The following KRT25 variants were observed in gnomAD, a reference collection of about 807,000 sequenced individuals.
KRT25 encodes keratin, type I cytoskeletal 25.
A neutral mutation model predicts 47.6 loss-of-function variants in KRT25; 37 were observed. The ratio of observed to expected loss-of-function variants is 0.78; its 90% CI spans 0.60 to 1.02. KRT25 has a LOEUF of 1.02. Among genes scored for constraint, KRT25 ranks in the 50% least tolerant of loss-of-function variants. KRT25 has a pLI of 0.00. For missense variants in KRT25, 542 were observed against 550.3 expected (o/e 0.98, Z 0.15); for synonymous variants, 203 against 210.2 (o/e 0.97, Z 0.30).
At chr17:40,751,873 T>C (rs2038051900) in intron 3 of KRT25, among the ~76,000 whole-genome samples, 2 of 96,088 alleles carry the variant, frequency 2.1e-5, no homozygotes, top group South Asian at 6.8e-4. Context: ...TGTGTGTGTG[T>C]GTGTGCGTGC....
chr17:40,755,398 T>C (rs2038098247), upstream of KRT25: 1 of 849,472 alleles, frequency 1.2e-6, no homozygotes, highest in Non-Finnish European at 1.8e-6. Flanking sequence ...AAATTCTGCC[T>C]ACACAGAGTA....
chr17:40,751,980 T>G (rs1221501057), intron 3 of KRT25, among the ~76,000 whole-genome samples: 1 of 151,802 alleles, frequency 6.6e-6, no homozygotes, highest in Non-Finnish European at 1.5e-5. Context: ...ACAGGGACAT[T>G]ACAGTATCAT....
chr17:40,750,300 C>G (rs1056229824), intron 6 of KRT25, 80 bp downstream of exon 6: 3 of 1,425,940 alleles, frequency 2.1e-6, no homozygotes, highest in African/African-American at 1.4e-5. Context: ...AAATTATGTC[C>G]GCTTTCCAGT....
Position 40,753,833 on chromosome 17 carries a change from A to T in KRT25, c.669+27T>A, listed in dbSNP as rs759379419. On this transcript the variant is annotated intron_variant, in intron 3 of 7. Transcript: ENST00000312150. ...AGGTGCACAGTGTCTGCGGAGGGAT[A>T]GCAAAATGTAGACGACCAGCTCTTA... The T allele has an allele frequency of 5.0e-6, 8 of 1,608,782 alleles. No individual in the cohort carries two copies. In the Admixed American group the frequency reaches 6.7e-5, roughly 13 times the overall value.
At chr17:40,748,911 T>C (rs2038020312) in intron 7 of KRT25, among the ~76,000 whole-genome samples, 1 of 152,316 alleles carries the variant, frequency 6.6e-6, no homozygotes, top group East Asian at 1.9e-4. Flanking sequence ...GGAACATGGA[T>C]GGAGCTGGAG....
At chr17:40,753,183 T>C (rs2144127705) in intron 3 of KRT25, among the ~76,000 whole-genome samples, 1 of 152,354 alleles carries the variant, frequency 6.6e-6, no homozygotes, top group South Asian at 2.1e-4. Flanking sequence ...TCTAGTTTTC[T>C]AGTTTAAGGA....
chr17:40,751,168 C>T lies in KRT25; in HGVS notation c.828G>A (p.Glu276=). Reference sequence around the variant, plus strand: ...CCGTTTTCTGGAGGAGAGTCACCTTCTCGTTGAACCAGGCCTCCGCGTCCC... The same window carrying T: ...CCGTTTTCTGGAGGAGAGTCACCTTTTCGTTGAACCAGGCCTCCGCGTCCC... ...NRRDAEAWFN[E]KSASLQQQIS... Residue 276 remains glutamate (E), a synonymous_variant, in exon 4 of 8, where the codon GAG becomes GAA. Transcript: ENST00000312150. 6.2e-7 allele frequency: 1 copy of T among 1,614,114 alleles called. No homozygotes were observed. The highest frequency in any genetic ancestry group is 8.5e-7 in the Non-Finnish European group (1 of 1,179,998).
At chr17:40,754,105 G>A in intron 2 of KRT25, 89 bp from the exon 3 acceptor site, 2 of 1,306,022 alleles carry the variant, frequency 1.5e-6, no homozygotes, top group Non-Finnish European at 2.2e-6. Flanking sequence ...TAGCATTCTG[G>A]AATTTTGAAG....
intron 6 of KRT25, among the ~76,000 whole-genome samples, chr17:40,749,659 C>G (rs758001587): frequency 5.9e-5 from 9 of 152,120 alleles, no homozygotes; most frequent in Non-Finnish European, 8.8e-5. Flanking sequence ...TGAATTGTGA[C>G]AAATTTATAT....
chr17:40,748,885 G>C (rs2038019814), intron 7 of KRT25, among the ~76,000 whole-genome samples: 1 of 152,192 alleles, frequency 6.6e-6, no homozygotes, highest in Non-Finnish European at 1.5e-5. Flanking sequence ...AAAAGAACAA[G>C]ATCATGTCTT....
At chr17:40,748,964 C>T (rs56404002) in intron 7 of KRT25, among the ~76,000 whole-genome samples, 80 of 152,266 alleles carry the variant, frequency 5.3e-4, no homozygotes, top group African/African-American at 1.8e-3. Flanking sequence ...GAAAACCAAA[C>T]ACCACATGTT....
intron 6 of KRT25, among the ~76,000 whole-genome samples, chr17:40,749,552 G>C (rs1200868758): frequency 1.3e-5 from 2 of 152,228 alleles, no homozygotes; most frequent in Non-Finnish European, 2.9e-5. Context: ...ATAGGCAGAA[G>C]AGGCTGTCAT....
At chr17:40,752,628 C>CTA (rs886611299) in intron 3 of KRT25, among the ~76,000 whole-genome samples, 54 of 152,064 alleles carry the variant, frequency 3.6e-4, no homozygotes, top group African/African-American at 1.2e-3. Flanking sequence ...ATCTATATAT[C>CTA]TATATCTATA....
In KRT25 at chr17:40,750,536, T is replaced by G. The variant is rs779413707; in HGVS notation, c.1019A>C (p.Gln340Pro). Residue 340 changes from glutamine (Q) to proline (P), a missense_variant, in exon 6 of 8, where the codon CAG (glutamine) becomes CCG (proline). By Grantham distance (76) the Gln-to-Pro change is moderately conservative. Coordinates refer to ENST00000312150, the MANE Select transcript of KRT25 (RefSeq NM_181534.4). ...CAGGGCCCCGATCTGAGCCTGGATCTGCGCCAGCTGCGCACAGTAGTTGCT... is the reference window on the plus strand; with the variant it reads ...CAGGGCCCCGATCTGAGCCTGGATCGGCGCCAGCTGCGCACAGTAGTTGCT... ...TESNYCAQLA[Q>P]IQAQIGALEE... is the part of the protein sequence containing the mutation. 7 of 1,614,256 alleles carry G rather than the reference T, an allele frequency of 4.3e-6. 1 individual carries two copies. In the South Asian group the frequency reaches 7.7e-5, roughly 18 times the overall value.
In KRT25 at chr17:40,751,142, A is replaced by G. The variant is rs2038042767; in HGVS notation, c.831+23T>C. 3.1e-6 allele frequency: 5 copies of G among 1,613,990 alleles called. No individual in the cohort carries two copies. The East Asian group carries it at 1.1e-4, about 36-fold the overall frequency. ...GTGAATACCAGTAACATGCAAAGGGACCGTTTTCTGGAGGAGAGTCACCTT... is the reference window on the plus strand; with the variant it reads ...GTGAATACCAGTAACATGCAAAGGGGCCGTTTTCTGGAGGAGAGTCACCTT... On this transcript the variant is annotated intron_variant, in intron 4 of 7. Transcript: ENST00000312150.
chr17:40,751,403 C>A (rs1362687138), intron 3 of KRT25, 77 bp from the exon 4 acceptor site: 12 of 1,465,408 alleles, frequency 8.2e-6, no homozygotes, highest in Non-Finnish European at 1.1e-5. Context: ...TGGAAGGGCA[C>A]TTAGAGTTCG....
intron 6 of KRT25, 146 bp from the exon 7 acceptor site, chr17:40,749,471 G>T: frequency 1.5e-6 from 1 of 668,906 alleles, no homozygotes; most frequent in Non-Finnish European, 2.6e-6. Flanking sequence ...GTAGAGGTAT[G>T]AATACCTTCT....
At position 40,755,160 on chromosome 17, in the gene KRT25, T is replaced by C. The variant is rs2038095140; in HGVS notation, c.112A>G (p.Ile38Val). The C allele has an allele frequency of 1.2e-6, 2 of 1,614,066 alleles. No homozygotes were observed. The highest frequency in any genetic ancestry group is 1.1e-5 in the South Asian group (1 of 91,086). ...GAGAAGCCACTTCCAATCCCTGAAA[T>C]GCCACAAGAATTTCCAGTACCAAAG... ...TSFGTGNSCG[I>V]SGIGSGFSSA... Residue 38 changes from isoleucine (I) to valine (V), a missense_variant, in exon 1 of 8, where the codon ATT becomes GTT. Physicochemically the swap from Ile to Val is conservative, Grantham distance 29 (BLOSUM62 3). Coordinates refer to ENST00000312150, the MANE Select transcript of KRT25 (RefSeq NM_181534.4).
At position 40,754,857 on chromosome 17, in the gene KRT25, C is replaced by A. The variant is rs1196588083; in HGVS notation, c.415G>T (p.Asp139Tyr). Reference protein sequence around the residue: ...DYSRYFPIIDDLKNQIIASTT... With the variant: ...DYSRYFPIIDYLKNQIIASTT... ...TGATTTCTTACCTGATTTTTAAGGT[C>A]ATCAATTATTGGGAAATATCTGCTA... is the stretch of plus-strand genomic sequence containing the variant. The change falls in exon 1 of 8, where the codon GAC (aspartate) becomes TAC (tyrosine). Residue 139 changes from aspartate (D) to tyrosine (Y), a missense_variant. Transcript: ENST00000312150. The A allele has an allele frequency of 3.1e-6, 5 of 1,610,864 alleles. No individual in the cohort carries two copies. Among genetic ancestry groups the A allele is most frequent in the Non-Finnish European group, 3.4e-6 (4 of 1,178,340 alleles).
Sources: allele counts gnomAD v4.1 joint callset (sites outside exome capture counted in the v4.1 genomes callset), GRCh38; gene constraint gnomAD v4.1.1; transcripts MANE v1.5; gene names NCBI Gene and HGNC (gene_info 2026-07-23, HGNC 2026-07-21).